The following DNAH5 variants were observed in gnomAD, a reference collection of about 807,000 sequenced individuals.
The protein encoded by DNAH5 is axonemal beta dynein heavy chain 5.
Under a neutral mutation model 518.2 loss-of-function variants are expected in DNAH5, and 372 were observed. That is an observed-to-expected ratio of 0.72 (90% CI 0.66 to 0.78). DNAH5 has a LOEUF of 0.78. Among genes scored for constraint, DNAH5 ranks in the 30% least tolerant of loss-of-function variants. The probability of loss-of-function intolerance (pLI) is 0.00; values close to 1 mark genes in which losing one functional copy is unlikely to be tolerated. For missense variants in DNAH5, 5,523 were observed against 5,687.0 expected (o/e 0.97, Z 0.93); for synonymous variants, 2,039 against 2,025.9 (o/e 1.01, Z -0.17).
At chr5:13,815,214 A>C (rs1761295636) in intron 42 of DNAH5, among the ~76,000 whole-genome samples, 1 of 152,204 alleles carries the variant, frequency 6.6e-6, no homozygotes, top group Non-Finnish European at 1.5e-5. Flanking sequence ...AGTTTAACAT[A>C]CAAAAAAACT....
chr5:13,802,706 C>A (rs1172286756), intron 47 of DNAH5, among the ~76,000 whole-genome samples: 1 of 152,190 alleles, frequency 6.6e-6, no homozygotes, highest in Non-Finnish European at 1.5e-5. Flanking sequence ...TTAGGTACAA[C>A]ATTCACGCAA....
rs35090077 is a variant in DNAH5, at chr5:13,901,532, A to C, written c.1772T>G (p.Leu591Arg). The change falls in exon 14 of 79, where the codon CTT (leucine) becomes CGT (arginine). Residue 591 changes from leucine to arginine, a missense_variant. Transcript: ENST00000265104. ...GTCAGCCCCATAGTTCTCAAGGATAAGTTGATATTTGTCATCAATACCAAG... is the reference window on the plus strand; with the variant it reads ...GTCAGCCCCATAGTTCTCAAGGATACGTTGATATTTGTCATCAATACCAAG... ...PNLGIDDKYQ[L>R]ILENYGADID... 5.4e-3 allele frequency: 8,682 copies of C among 1,613,562 alleles called. 350 individuals carry two copies. The African/African-American group carries it at 0.094, about 18-fold the overall frequency.
chr5:13,800,468 C>T (rs795542), intron 47 of DNAH5, among the ~76,000 whole-genome samples: 27,267 of 152,106 alleles, frequency 0.18, 2,831 homozygotes, highest in Middle Eastern at 0.27. Context: ...ATTGCCCCAT[C>T]CAAAAATTTC....
intron 1 of DNAH5, among the ~76,000 whole-genome samples, chr5:13,950,835 A>T (rs77379827): frequency 0.017 from 2,524 of 152,250 alleles, 64 homozygotes; most frequent in African/African-American, 0.057. Flanking sequence ...AAATTTCAGC[A>T]TTATGGCATA....
At chr5:14,000,656 G>C (rs1327361601) in intron 1 of DNAH5, among the ~76,000 whole-genome samples, 1 of 151,442 alleles carries the variant, frequency 6.6e-6, no homozygotes, top group Non-Finnish European at 1.5e-5. Context: ...AATGGATGCT[G>C]GCAAGGCTGC....
chr5:13,784,015 G>A (rs369145753), intron 52 of DNAH5, among the ~76,000 whole-genome samples: 9 of 152,172 alleles, frequency 5.9e-5, no homozygotes, highest in African/African-American at 1.7e-4. Context: ...CCCCAGCACC[G>A]AGGCATTCAC....
intron 14 of DNAH5, chr5:13,900,623 C>T: frequency 3.4e-6 from 2 of 594,358 alleles, no homozygotes; most frequent in South Asian, 4.0e-5. Flanking sequence ...GCAGTCAATT[C>T]AATAAAACCT....
Position 13,901,294 on chromosome 5 carries a change from G to C in DNAH5, c.2010C>G (p.Leu670=), listed in dbSNP as rs1279805559. ...TGTGGAAGAGGACCTCAAACTCCAG[G>C]AGGACCTTGGCCATCCTGTTGTAAC... The part of the protein sequence containing the change: ...IRSYNRMAKV[L]LEFEVLFHRA... Residue 670 remains leucine, a synonymous_variant, in exon 14 of 79, where the codon CTC becomes CTG. Transcript: ENST00000265104. 8 of 1,614,026 alleles carry C rather than the reference G, an allele frequency of 5.0e-6. No homozygotes were observed. Among genetic ancestry groups the C allele is most frequent in the Non-Finnish European group, 6.8e-6 (8 of 1,180,028 alleles).
At chr5:13,924,600 A>G (rs935669143) in intron 3 of DNAH5, among the ~76,000 whole-genome samples, 1 of 151,738 alleles carries the variant, frequency 6.6e-6, no homozygotes, top group African/African-American at 2.4e-5. Context: ...GCTTGAACCC[A>G]GGAGATGGAG....
chr5:13,848,782 G>A (rs1766410628), intron 31 of DNAH5, among the ~76,000 whole-genome samples: 2 of 152,192 alleles, frequency 1.3e-5, no homozygotes, highest in Admixed American at 1.3e-4. Flanking sequence ...AGGAGGCAGA[G>A]CTCAGGTGAT....
At chr5:13,772,758 A>C (rs1157230446) in intron 55 of DNAH5, among the ~76,000 whole-genome samples, 1 of 131,564 alleles carries the variant, frequency 7.6e-6, no homozygotes, top group Non-Finnish European at 1.6e-5. Context: ...AATTAGAAAA[A>C]CACATAATAA....
At position 13,913,760 on chromosome 5, in the gene DNAH5, T is replaced by C. The variant is rs1776310146; in HGVS notation, c.1519A>G (p.Met507Val). The stretch of plus-strand genomic sequence containing the variant: ...TACAATACCTGGTATTTAGTGGCCA[T>C]GTCTTCCAGCCCTTCAATTGTGGAA... ...QDSTIEGLED[M>V]ATKYQGIVAT... The change falls in exon 11 of 79, where the codon ATG becomes GTG. Residue 507 changes from methionine to valine, a missense_variant. Physicochemically the swap from Met to Val is conservative, Grantham distance 21. This residue lies in a region of DNAH5 where 5,121 missense variants were observed against 5,223.3 expected (regional missense o/e 0.98). Coordinates refer to ENST00000265104, the MANE Select transcript of DNAH5 (RefSeq NM_001369.3). 8 of 1,613,416 alleles carry C rather than the reference T, an allele frequency of 5.0e-6. No homozygotes were observed. The highest frequency in any genetic ancestry group is 6.8e-6 in the Non-Finnish European group (8 of 1,179,484).
intron 47 of DNAH5, among the ~76,000 whole-genome samples, chr5:13,807,163 C>G (rs1759740380): frequency 6.6e-6 from 1 of 152,050 alleles, no homozygotes; most frequent in South Asian, 2.1e-4. Flanking sequence ...ACTGTAACAG[C>G]CTTTGAGACC....
In DNAH5 at chr5:13,776,661, C is replaced by A; in HGVS notation, c.9151G>T (p.Asp3051Tyr). Reference sequence around the variant, plus strand: ...TCTTTTTTCATGACTGATGCCAGGTCGCTATTAATTTCATCAATTTCATCT... The same window carrying A: ...TCTTTTTTCATGACTGATGCCAGGTAGCTATTAATTTCATCAATTTCATCT... Reference protein sequence around the residue: ...ARDEIDEINSDLASVMKKEFP... With the variant: ...ARDEIDEINSYLASVMKKEFP... Residue 3051 changes from aspartate (D) to tyrosine (Y), a missense_variant, in exon 55 of 79, where the codon GAC becomes TAC. By Grantham distance (160) the Asp-to-Tyr change is radical. Coordinates refer to ENST00000265104, the MANE Select transcript of DNAH5 (RefSeq NM_001369.3). 1.2e-6 allele frequency: 2 copies of A among 1,613,690 alleles called. No homozygotes were observed. Among genetic ancestry groups the A allele is most frequent in the South Asian group, 1.1e-5 (1 of 91,068 alleles).
At chr5:13,812,123 C>G (rs1760797214) in intron 43 of DNAH5, among the ~76,000 whole-genome samples, 1 of 152,160 alleles carries the variant, frequency 6.6e-6, no homozygotes, top group Non-Finnish European at 1.5e-5. Context: ...GGGCAGAATT[C>G]AGACCCAGAA....
At chr5:13,741,031 T>A (rs1748448318) in intron 65 of DNAH5, among the ~76,000 whole-genome samples, 1 of 152,208 alleles carries the variant, frequency 6.6e-6, no homozygotes, top group Non-Finnish European at 1.5e-5. Flanking sequence ...GCAGATTGAA[T>A]GATTAAATGT....
At chr5:13,918,734 C>T (rs1157135431) in intron 7 of DNAH5, among the ~76,000 whole-genome samples, 1 of 152,166 alleles carries the variant, frequency 6.6e-6, no homozygotes, top group African/African-American at 2.4e-5. Context: ...TCCCAAAGTG[C>T]TGGGATTACA....
intron 31 of DNAH5, among the ~76,000 whole-genome samples, chr5:13,847,685 C>T (rs35489814): frequency 0.15 from 22,550 of 149,534 alleles, 2,047 homozygotes; most frequent in East Asian, 0.3. Context: ...GATTGCACCA[C>T]TGCACTCCAG....
intron 15 of DNAH5, chr5:13,899,784 A>AT (rs1774342651): frequency 4.9e-6 from 1 of 203,770 alleles, no homozygotes; most frequent in East Asian, 1.3e-4. Flanking sequence ...CATAACTCTA[A>AT]ATTCTCCAAA....
Sources: allele counts gnomAD v4.1 joint callset (sites outside exome capture counted in the v4.1 genomes callset), GRCh38; gene constraint gnomAD v4.1.1; regional missense constraint gnomAD v4.1.1; transcripts MANE v1.5; gene names NCBI Gene and HGNC (gene_info 2026-07-23, HGNC 2026-07-21).